Variants in SYN3 observed in about 807,000 individuals in gnomAD.
SYN3 encodes the protein synapsin III.
SYN3 carries 35 observed loss-of-function variants against 65.8 expected under a neutral mutation model. The observed-to-expected ratio is 0.53, with a 90% CI of 0.41 to 0.70. The LOEUF (loss-of-function observed/expected upper bound fraction) is 0.70. Ranked by LOEUF, SYN3 falls within the 30% of genes least tolerant of loss-of-function variation. The pLI is 0.00. For missense variants in SYN3, 680 were observed against 749.0 expected, an observed-to-expected ratio of 0.91 and a Z score of 1.08; for synonymous variants, 270 against 292.9, an observed-to-expected ratio of 0.92 and a Z score of 0.80.
chr22:32,988,316 T>C (rs966311395), intron 2 of SYN3, among the ~76,000 whole-genome samples: 7 of 61,594 alleles, frequency 1.1e-4, no homozygotes, highest in Admixed American at 3.5e-4. Flanking sequence ...AAAATAATAA[T>C]AATAATAATA....
chr22:32,997,840 CACGGTGAA>C (rs1185446423), intron 2 of SYN3, among the ~76,000 whole-genome samples: 3 of 151,978 alleles, frequency 2.0e-5, no homozygotes, highest in Non-Finnish European at 4.4e-5. Flanking sequence ...TCCTGGCTAA[CACGGTGAA>C]ACCCCCGTCT....
intron 4 of SYN3, among the ~76,000 whole-genome samples, chr22:32,898,498 T>G (rs1440141577): frequency 6.6e-6 from 1 of 152,214 alleles, no homozygotes; most frequent in Non-Finnish European, 1.5e-5. Flanking sequence ...TGCATACATC[T>G]GCAGCAAGGC....
At chr22:32,782,642 C>T (rs1011439997) in intron 6 of SYN3, among the ~76,000 whole-genome samples, 4 of 151,896 alleles carry the variant, frequency 2.6e-5, no homozygotes, top group African/African-American at 4.8e-5. Flanking sequence ...CTCAGTTTCC[C>T]GAGTAGCTGG....
intron 4 of SYN3, among the ~76,000 whole-genome samples, chr22:32,902,943 A>G (rs1045838048): frequency 1.3e-5 from 2 of 152,202 alleles, no homozygotes; most frequent in Non-Finnish European, 2.9e-5. Context: ...AGAGCAGTTA[A>G]TAACTTTCCC....
chr22:32,869,197 C>T (rs77702265), intron 4 of SYN3, 72 bp from the exon 5 acceptor site: 1 of 1,548,794 alleles, frequency 6.5e-7, no homozygotes, highest in Non-Finnish European at 8.8e-7. Flanking sequence ...CCACAGCTTG[C>T]TGGGGATGAT....
Position 32,513,682 on chromosome 22 carries a change from C to T in SYN3, c.*10G>A. 1 of 1,613,762 alleles carries T rather than the reference C, an allele frequency of 6.2e-7. No individual in the cohort carries two copies. Reference sequence around the variant, plus strand: ...AGCAGAGCACTCTTCCCCTCCCAGCCTGGATGGCGTTAGTCAGAGAACAGG... The same window carrying T: ...AGCAGAGCACTCTTCCCCTCCCAGCTTGGATGGCGTTAGTCAGAGAACAGG... On this transcript the variant is annotated 3_prime_UTR_variant, in exon 14 of 14. Coordinates refer to ENST00000358763, the MANE Select transcript of SYN3 (RefSeq NM_003490.4).
At chr22:32,768,962 G>T (rs2045696030) in intron 6 of SYN3, among the ~76,000 whole-genome samples, 1 of 151,946 alleles carries the variant, frequency 6.6e-6, no homozygotes, top group African/African-American at 2.4e-5. Context: ...TTTCCCTCTT[G>T]CTCCTTTGCA....
chr22:32,700,871 T>C (rs918043550), intron 6 of SYN3, among the ~76,000 whole-genome samples: 4 of 152,238 alleles, frequency 2.6e-5, no homozygotes, highest in South Asian at 2.1e-4. Context: ...TCATGGTTTT[T>C]CACCCCAAAT....
intron 6 of SYN3, among the ~76,000 whole-genome samples, chr22:32,821,051 T>C (rs1478010771): frequency 1.3e-5 from 2 of 152,108 alleles, no homozygotes; most frequent in East Asian, 1.9e-4. Flanking sequence ...AGAATTTATA[T>C]TTTTGAGCAT....
chr22:32,621,929 G>T (rs537708674), intron 6 of SYN3, among the ~76,000 whole-genome samples: 1 of 152,068 alleles, frequency 6.6e-6, no homozygotes, highest in East Asian at 2.0e-4. Flanking sequence ...GAGCCTTGCT[G>T]GGTCCCCAGA....
At chr22:32,947,172 T>C (rs59081652) in intron 3 of SYN3, among the ~76,000 whole-genome samples, 2,161 of 152,332 alleles carry the variant, frequency 0.014, 58 homozygotes, top group African/African-American at 0.05. Flanking sequence ...TTAACTCTCT[T>C]CATCTTTCAA....
intron 11 of SYN3, 125 bp downstream of exon 11, chr22:32,528,749 C>G (rs959332276): frequency 1.0e-5 from 14 of 1,368,686 alleles, no homozygotes; most frequent in Non-Finnish European, 1.4e-5. Flanking sequence ...GTCCACACCC[C>G]CATTCCTTCT....
chr22:32,542,247 G>A (rs1216430553), intron 7 of SYN3, among the ~76,000 whole-genome samples: 1 of 152,140 alleles, frequency 6.6e-6, no homozygotes, highest in African/African-American at 2.4e-5. Context: ...TGTAGAGGAT[G>A]GAATGGATGG....
At chr22:32,901,132 T>C (rs2049748228) in intron 4 of SYN3, among the ~76,000 whole-genome samples, 1 of 152,220 alleles carries the variant, frequency 6.6e-6, no homozygotes, top group Non-Finnish European at 1.5e-5. Context: ...TAAAAGCTTA[T>C]GAATAGGAGT....
At position 32,970,819 on chromosome 22, in the gene SYN3, C is replaced by T. The variant is rs73408552; in HGVS notation, c.369+9826G>A. On this transcript the variant is annotated intron_variant, in intron 3 of 13. Transcript: ENST00000358763. The stretch of plus-strand genomic sequence containing the variant: ...TGAGATAGGAAGATACTGTGGGATA[C>T]GTACTCAAGCTGGAAGGGGAAAGGC... Among the ~76,000 whole-genome samples, 1,262 of 152,236 alleles carry T rather than the reference C, an allele frequency of 8.3e-3. 24 individuals are homozygous for T. Among genetic ancestry groups the T allele is most frequent in the African/African-American group, 0.029 (1,217 of 41,534 alleles).
chr22:32,581,467 C>T (rs1160394906), intron 7 of SYN3, among the ~76,000 whole-genome samples: 2 of 152,256 alleles, frequency 1.3e-5, no homozygotes, highest in Admixed American at 1.3e-4. Flanking sequence ...AGTGCTCGCC[C>T]AAGGTTATAT....
intron 3 of SYN3, among the ~76,000 whole-genome samples, chr22:32,935,201 A>G (rs894818455): frequency 5.3e-5 from 8 of 152,264 alleles, no homozygotes; most frequent in African/African-American, 1.7e-4. Context: ...AAGAAGGTCA[A>G]TGTGGCCAGG....
At chr22:33,040,034 CTT>C (rs578015047) in intron 1 of SYN3, among the ~76,000 whole-genome samples, 1 of 144,202 alleles carries the variant, frequency 6.9e-6, no homozygotes, top group African/African-American at 2.5e-5. Context: ...CTTTTTTTTT[CTT>C]TTTTTTTTTG....
chr22:32,541,726 A>T lies in SYN3; in HGVS notation c.775-13T>A. The stretch of plus-strand genomic sequence containing the variant: ...TTTCCACTTTGATCTGTGTGGGAGG[A>T]TGAGGGGGATGAGTGCCACCCACCC... On this transcript the variant is annotated splice_polypyrimidine_tract_variant and intron_variant, in intron 7 of 13. Transcript: ENST00000358763. 6.2e-7 allele frequency: 1 copy of T among 1,611,122 alleles called. No homozygotes were observed. The highest frequency in any genetic ancestry group is 8.5e-7 in the Non-Finnish European group (1 of 1,178,308).
Sources: gnomAD v4.1 joint callset for allele counts (sites outside exome capture counted in the v4.1 genomes callset) on GRCh38, gnomAD v4.1.1 for gene constraint, MANE v1.5 for transcripts, NCBI Gene and HGNC (gene_info 2026-07-23, HGNC 2026-07-21) for gene names.